ZNF430: variants seen among roughly 807,000 people sequenced by gnomAD.
ZNF430 encodes the protein zinc finger protein 430.
ZNF430 carries 35 observed loss-of-function variants against 56.7 expected under a neutral mutation model. The observed-to-expected ratio is 0.62, with a 90% confidence interval of 0.47 to 0.82. The LOEUF (loss-of-function observed/expected upper bound fraction) is 0.82, where lower values mean the gene tolerates loss of function less well. ZNF430 is among the 40% of genes least tolerant of loss of function. The probability of loss-of-function intolerance (pLI) is 0.00; values close to 1 mark genes in which losing one functional copy is unlikely to be tolerated. For synonymous variants in ZNF430, 212 were observed against 224.3 expected, an observed-to-expected ratio of 0.94 and a Z score of 0.49; for missense variants, 574 against 661.0, an observed-to-expected ratio of 0.87 and a Z score of 1.44.
At chr19:21,028,984 A>G (rs553132963) in intron 2 of ZNF430, among the ~76,000 whole-genome samples, 107 of 152,272 alleles carry the variant, frequency 7.0e-4, no homozygotes, top group African/African-American at 2.3e-3. Context: ...ATGCCTGGCA[A>G]TTCTGTGTTT....
At chr19:21,044,809 G>GTCC (rs1968160577) in intron 4 of ZNF430, among the ~76,000 whole-genome samples, 1 of 152,110 alleles carries the variant, frequency 6.6e-6, no homozygotes, top group Non-Finnish European at 1.5e-5. Context: ...TTGGTCTTGG[G>GTCC]AGGGTGTTTG....
chr19:21,059,568 A>G lies in ZNF430; in HGVS notation c.*1547A>G, dbSNP rs912281206. 6.6e-6 allele frequency: 1 copy of G among 151,576 alleles called. No individual in the cohort carries two copies. The highest frequency in any genetic ancestry group is 1.9e-4 in the East Asian group (1 of 5,174). The allele number at this position is 151,576 out of a possible 1,614,324, so 9.4% of individuals were successfully genotyped here. A position where few individuals can be genotyped will look rare whatever the true frequency, so the allele number is the denominator to read the frequency against. ...CAAAAAAAAAAAAAAAAAAACAACT[A>G]AAGTTGGTAGAAAAATTATTTGTAT... On this transcript the variant is annotated 3_prime_UTR_variant, in exon 5 of 5. Transcript: ENST00000261560.
chr19:21,038,858 A>G (rs903044451), intron 4 of ZNF430, among the ~76,000 whole-genome samples: 9 of 152,210 alleles, frequency 5.9e-5, no homozygotes, highest in African/African-American at 1.2e-4. Context: ...TGTCATTTTT[A>G]TAGAGGTTAT....
At chr19:21,026,827 C>CTTTTCTTTTTT (rs1555801567) in intron 2 of ZNF430, among the ~76,000 whole-genome samples, 1 of 68,728 alleles carries the variant, frequency 1.5e-5, no homozygotes, top group Admixed American at 2.6e-4. Context: ...CTTTTCTTTT[C>CTTTTCTTTTTT]TTTTTTTTTT....
At chr19:21,049,955 C>T (rs1968256215) in intron 4 of ZNF430, among the ~76,000 whole-genome samples, 1 of 9,498 alleles carries the variant, frequency 1.1e-4, no homozygotes, top group Admixed American at 7.5e-4. Context: ...GACAGAGTCT[C>T]TCTCTGTCAC....
Position 21,054,866 on chromosome 19 carries a change from A to G in ZNF430, c.323-1765A>G, listed in dbSNP as rs1156262242. Reference sequence around the variant, plus strand: ...ATTTTTTCTTTTTTTAGTAGAGACAAGGTTTCGCCGTATTAGCCAGGATGG... The same window carrying G: ...ATTTTTTCTTTTTTTAGTAGAGACAGGGTTTCGCCGTATTAGCCAGGATGG... On this transcript the variant is annotated intron_variant, in intron 4 of 4. Coordinates refer to ENST00000261560, the MANE Select transcript of ZNF430 (RefSeq NM_025189.4). 6.0e-5 allele frequency among the ~76,000 whole-genome samples: 9 copies of G among 150,786 alleles called. No individual in the cohort carries two copies. In the East Asian group the frequency reaches 1.4e-3, roughly 23 times the overall value.
At chr19:21,031,055 T>C (rs950973983) in intron 2 of ZNF430, among the ~76,000 whole-genome samples, 10 of 152,084 alleles carry the variant, frequency 6.6e-5, no homozygotes, top group African/African-American at 2.4e-4. Flanking sequence ...GCTAATTTTT[T>C]GTGTTTTTAG....
chr19:21,038,950 T>C (rs957310923), intron 4 of ZNF430, among the ~76,000 whole-genome samples: 1 of 152,138 alleles, frequency 6.6e-6, no homozygotes, highest in African/African-American at 2.4e-5. Flanking sequence ...AGAGTGTGTT[T>C]GATTGACTGA....
At chr19:21,048,872 C>T (rs1370649721) in intron 4 of ZNF430, among the ~76,000 whole-genome samples, 1 of 152,044 alleles carries the variant, frequency 6.6e-6, no homozygotes, top group Non-Finnish European at 1.5e-5. Context: ...CCCCACCTCC[C>T]TCCCAGATGG....
At chr19:21,041,219 C>T (rs1014661523) in intron 4 of ZNF430, among the ~76,000 whole-genome samples, 1 of 152,112 alleles carries the variant, frequency 6.6e-6, no homozygotes, top group Non-Finnish European at 1.5e-5. Flanking sequence ...CCTCAACCTC[C>T]CAAACTCAGA....
chr19:21,034,437 G>T (rs1051708234), intron 4 of ZNF430: 1 of 337,400 alleles, frequency 3.0e-6, no homozygotes, highest in Non-Finnish European at 5.3e-6. Context: ...TGGCATGCGA[G>T]ACTCACAATC....
intron 4 of ZNF430, among the ~76,000 whole-genome samples, chr19:21,039,461 A>G (rs1968063442): frequency 7.0e-6 from 1 of 142,138 alleles, no homozygotes; most frequent in Admixed American, 7.2e-5. Flanking sequence ...TTATTTATTT[A>G]TTTATTTATT....
intron 4 of ZNF430, among the ~76,000 whole-genome samples, chr19:21,037,176 G>A (rs891071844): frequency 4.0e-5 from 6 of 149,240 alleles, no homozygotes; most frequent in East Asian, 2.0e-4. Context: ...GTGCAATGAC[G>A]CAATCTCGGC....
chr19:21,041,592 C>T (rs1173648275), intron 4 of ZNF430, among the ~76,000 whole-genome samples: 1 of 152,156 alleles, frequency 6.6e-6, no homozygotes, highest in East Asian at 1.9e-4. Context: ...TGGTTTACTG[C>T]ACCTATCAAT....
intron 2 of ZNF430, among the ~76,000 whole-genome samples, chr19:21,025,360 G>A (rs1263511374): frequency 1.3e-5 from 2 of 152,104 alleles, no homozygotes; most frequent in Non-Finnish European, 2.9e-5. Flanking sequence ...ACCACCAAAG[G>A]TCACTCTCAT....
Position 21,057,993 on chromosome 19 carries a change from C to T in ZNF430, c.1685C>T (p.Ser562Leu), listed in dbSNP as rs1968412431. The T allele has an allele frequency of 1.9e-6, 3 of 1,612,306 alleles. No individual in the cohort carries two copies. In the African/African-American group the frequency reaches 4.0e-5, roughly 22 times the overall value. The change falls in exon 5 of 5, where the codon TCA becomes TTA. Residue 562 changes from serine to leucine, a missense_variant. Around this residue, in one of 3 missense-constraint regions of ZNF430, gnomAD observed 213 missense variants for 221.0 expected, o/e 0.96. Transcript: ENST00000261560. ...TCAAACCTTATTGAACAAAGTAATT[C>T]ATACTGGAGAGAAACCCTACAAATG... The part of the protein sequence containing the change: ...QSSNLIEQSN[S>L]YWRETLQM
intron 2 of ZNF430, among the ~76,000 whole-genome samples, chr19:21,029,760 T>A (rs1423752508): frequency 6.6e-6 from 1 of 152,010 alleles, no homozygotes; most frequent in East Asian, 1.9e-4. Context: ...AGGTCGAGAG[T>A]TTGAGACCAG....
intron 2 of ZNF430, among the ~76,000 whole-genome samples, chr19:21,032,078 T>C (rs903877963): frequency 6.6e-6 from 1 of 151,932 alleles, no homozygotes; most frequent in Non-Finnish European, 1.5e-5. Context: ...AAGATTCCTA[T>C]TGGGGGAAAG....
At chr19:21,024,171 C>G (rs1452850148) in intron 2 of ZNF430, among the ~76,000 whole-genome samples, 1 of 152,102 alleles carries the variant, frequency 6.6e-6, no homozygotes, top group Non-Finnish European at 1.5e-5. Context: ...GATGTCCTAG[C>G]CTGCTCACTC....
Sources: gnomAD v4.1 joint callset for allele counts (sites outside exome capture counted in the v4.1 genomes callset) on GRCh38, gnomAD v4.1.1 for gene constraint, gnomAD v4.1.1 regional missense constraint, MANE v1.5 for transcripts, NCBI Gene and HGNC (gene_info 2026-07-23, HGNC 2026-07-21) for gene names.